Variants in PIEZO2 observed in about 807,000 individuals in gnomAD.
PIEZO2 encodes piezo type mechanosensitive ion channel component 2.
A neutral mutation model predicts 337.3 loss-of-function variants in PIEZO2; 172 were observed. The ratio of observed to expected loss-of-function variants is 0.51; its 90% CI spans 0.45 to 0.58. The LOEUF is 0.58. Ranked by LOEUF, PIEZO2 falls within the 20% of genes least tolerant of loss-of-function variation. The pLI is 0.00. For missense variants in PIEZO2, 3,028 were observed against 3,391.3 expected, an observed-to-expected ratio of 0.89 and a Z score of 2.66; for synonymous variants, 1,251 against 1,228.5, an observed-to-expected ratio of 1.02 and a Z score of -0.38.
chr18:10,759,723 G>T lies in PIEZO2; in HGVS notation c.3637C>A (p.Pro1213Thr). 1 of 1,537,294 alleles carries T rather than the reference G, an allele frequency of 6.5e-7. No individual in the cohort carries two copies. Among genetic ancestry groups the T allele is most frequent in the Non-Finnish European group, 8.7e-7 (1 of 1,146,922 alleles). The change falls in exon 25 of 56, where the codon CCA becomes ACA. Residue 1213 changes from proline (P) to threonine (T), a missense_variant. Around this residue, in one of 5 missense-constraint regions of PIEZO2, gnomAD observed 1,925 missense variants for 2,051.9 expected, o/e 0.94. Transcript: ENST00000674853. This position sits in a 1 kb window ranked among gnomAD's most constrained non-coding sequence, Gnocchi z 5.5. ...GGCTCACCTCGGCAAGGAGCAGGTGGGATGCCAATGCAGATGAAATACTGG... is the reference window on the plus strand; with the variant it reads ...GGCTCACCTCGGCAAGGAGCAGGTGTGATGCCAATGCAGATGAAATACTGG... ...TFQYFICIGI[P>T]PAPCRDYPWR...
In PIEZO2 at chr18:10,850,156, C is replaced by T. The variant is rs1187893539; in HGVS notation, c.917+5197G>A. Among the ~76,000 whole-genome samples the T allele has an allele frequency of 6.6e-6, 1 of 152,182 alleles. No individual in the cohort carries two copies. The highest frequency in any genetic ancestry group is 2.4e-5 in the African/African-American group (1 of 41,436). ...TGTGTGCATAAACGGAAGGGAATCA[C>T]TAATTCTCACCCTCTCCTGGATAAA... On this transcript the variant is annotated intron_variant, in intron 7 of 55. Coordinates refer to ENST00000674853, the MANE Select transcript of PIEZO2 (RefSeq NM_001378183.1). The surrounding 1 kb of genome is among the most constrained non-coding windows in gnomAD (Gnocchi z 4.5).
chr18:10,691,794 T>G (rs1416219177), intron 47 of PIEZO2, among the ~76,000 whole-genome samples: 1 of 67,860 alleles, frequency 1.5e-5, no homozygotes, highest in African/African-American at 6.3e-5. Flanking sequence ...TATATATATA[T>G]ATATATAGAG....
chr18:10,909,312 A>G (rs762879037), intron 4 of PIEZO2, among the ~76,000 whole-genome samples: 13 of 152,188 alleles, frequency 8.5e-5, no homozygotes, highest in Non-Finnish European at 1.6e-4. Context: ...GAAGTCAATG[A>G]TGTGAAGAAA....
At chr18:10,916,512 C>T (rs1271179871) in intron 3 of PIEZO2, among the ~76,000 whole-genome samples, 2 of 152,180 alleles carry the variant, frequency 1.3e-5, no homozygotes, top group Non-Finnish European at 2.9e-5. Flanking sequence ...TCCCCCTCCA[C>T]ACCTGCTGGC....
chr18:11,061,941 G>A lies in PIEZO2; in HGVS notation c.160+4186C>T, dbSNP rs534469685. Among the ~76,000 whole-genome samples the A allele has an allele frequency of 1.4e-4, 22 of 152,268 alleles. No individual in the cohort carries two copies. In the South Asian group the frequency reaches 3.7e-3, roughly 26 times the overall value. On this transcript the variant is annotated intron_variant, in intron 2 of 55. Transcript: ENST00000674853. ...TTCATATGGAACCAAAAAAGAGCCCGCATTGCTAAGTCAATCCTGAGCCAA... is the reference window on the plus strand; with the variant it reads ...TTCATATGGAACCAAAAAAGAGCCCACATTGCTAAGTCAATCCTGAGCCAA...
At chr18:10,791,964 G>A (rs2039424178) in intron 13 of PIEZO2, among the ~76,000 whole-genome samples, 1 of 152,162 alleles carries the variant, frequency 6.6e-6, no homozygotes, top group Non-Finnish European at 1.5e-5. Flanking sequence ...GTTTTTGTTT[G>A]AGAGGGAGTT....
At chr18:11,023,334 G>T (rs2036386649) in intron 2 of PIEZO2, among the ~76,000 whole-genome samples, 1 of 151,996 alleles carries the variant, frequency 6.6e-6, no homozygotes, top group Admixed American at 6.6e-5. Flanking sequence ...AGACACAAAG[G>T]TTCTCCACCT....
At position 10,724,566 on chromosome 18, in the gene PIEZO2, C is replaced by G; in HGVS notation, c.5030-6307G>C. Reference sequence around the variant, plus strand: ...CATACCCTTCTGTGTCCCCAGAAGTCGACAGTGTGGGGAGTTGGAGTGACC... The same window carrying G: ...CATACCCTTCTGTGTCCCCAGAAGTGGACAGTGTGGGGAGTTGGAGTGACC... On this transcript the variant is annotated intron_variant, in intron 36 of 55. Coordinates refer to ENST00000674853, the MANE Select transcript of PIEZO2 (RefSeq NM_001378183.1). This position sits in a 1 kb window ranked among gnomAD's most constrained non-coding sequence, Gnocchi z 5.8. The G allele has an allele frequency of 1.8e-6, 1 of 560,164 alleles. No homozygotes were observed. Among genetic ancestry groups the G allele is most frequent in the Non-Finnish European group, 3.2e-6 (1 of 307,830 alleles). 34.7% of individuals were successfully genotyped at this position (560,164 alleles called of 1,614,324 possible). A position where few individuals can be genotyped will look rare whatever the true frequency, so the allele number is the denominator to read the frequency against.
intron 27 of PIEZO2, among the ~76,000 whole-genome samples, chr18:10,756,570 G>A (rs1006570166): frequency 6.8e-6 from 1 of 147,212 alleles, no homozygotes; most frequent in African/African-American, 2.5e-5. Context: ...TGAGCTATAG[G>A]GATGCAGATA....
rs183456241 is a variant in PIEZO2, at chr18:11,097,384, C to T, written c.65-31162G>A. ...AGTCTCACGACTGCAACAGAGCCGG[C>T]GTGCTGTGCAACGCCTGACTCATTA... On this transcript the variant is annotated intron_variant, in intron 1 of 55. Coordinates refer to ENST00000674853, the MANE Select transcript of PIEZO2 (RefSeq NM_001378183.1). The surrounding 1 kb of genome is among the most constrained non-coding windows in gnomAD (Gnocchi z 5.0). Among the ~76,000 whole-genome samples the T allele has an allele frequency of 2.7e-3, 417 of 152,332 alleles. 1 individual carries two copies. Among genetic ancestry groups the T allele is most frequent in the African/African-American group, 9.2e-3 (383 of 41,582 alleles).
chr18:11,066,027 G>A (rs1270560906), intron 2 of PIEZO2, 100 bp downstream of exon 2: 5 of 924,694 alleles, frequency 5.4e-6, no homozygotes, highest in African/African-American at 5.0e-5. Flanking sequence ...CTGCTGCATA[G>A]ATAACATCTC....
chr18:10,729,485 G>A (rs1020048561), intron 36 of PIEZO2, among the ~76,000 whole-genome samples: 2 of 151,950 alleles, frequency 1.3e-5, no homozygotes, highest in Non-Finnish European at 1.5e-5. Context: ...ATTGCTAGGC[G>A]TGGTGGTGTG....
Position 10,759,602 on chromosome 18 carries a change from C to CG in PIEZO2, c.3656-20dup. The CG allele has an allele frequency of 6.5e-7, 1 of 1,535,650 alleles. No homozygotes were observed. Among genetic ancestry groups the CG allele is most frequent in the Non-Finnish European group, 8.7e-7 (1 of 1,145,456 alleles). On this transcript the variant is annotated intron_variant, in intron 25 of 55. Coordinates refer to ENST00000674853, the MANE Select transcript of PIEZO2 (RefSeq NM_001378183.1). This position sits in a 1 kb window ranked among gnomAD's most constrained non-coding sequence, Gnocchi z 5.5. ...GGGTAATCTGCAGGGAGGGAAGTGG[C>CG]GAACAGCACAATCAATACTCTTCTT...
At chr18:10,689,947 C>A in intron 48 of PIEZO2, 145 bp from the exon 49 acceptor site, 4 of 833,874 alleles carry the variant, frequency 4.8e-6, no homozygotes, top group Non-Finnish European at 7.1e-6. Flanking sequence ...TAAAACCCAA[C>A]TTGGAACACA....
chr18:10,869,387 A>C (rs2042085224), intron 5 of PIEZO2, among the ~76,000 whole-genome samples: 1 of 152,188 alleles, frequency 6.6e-6, no homozygotes. Flanking sequence ...TGTTGGTTGC[A>C]GCAAACCACC....
intron 2 of PIEZO2, among the ~76,000 whole-genome samples, chr18:11,051,345 A>ATGTGTGTGTG (rs144159846): frequency 0.057 from 8,369 of 146,740 alleles, 276 homozygotes; most frequent in South Asian, 0.13. Flanking sequence ...ATCACTTAGG[A>ATGTGTGTGTG]TGTGTGTGTG....
At chr18:10,709,861 AG>A (rs1415428768) in intron 39 of PIEZO2, among the ~76,000 whole-genome samples, 3 of 152,248 alleles carry the variant, frequency 2.0e-5, no homozygotes, top group Non-Finnish European at 4.4e-5. Context: ...AAGGACATTG[AG>A]GCTGTTTTGT....
chr18:10,739,639 A>G lies in PIEZO2; in HGVS notation c.4708+1392T>C, dbSNP rs1173613447. On this transcript the variant is annotated intron_variant, in intron 33 of 55. Coordinates refer to ENST00000674853, the MANE Select transcript of PIEZO2 (RefSeq NM_001378183.1). Reference sequence around the variant, plus strand: ...ATAGAAATAGGCATTTGTGCACTGCATTTACCAGATTGTTAGCGTGACTGT... The same window carrying G: ...ATAGAAATAGGCATTTGTGCACTGCGTTTACCAGATTGTTAGCGTGACTGT... The G allele has an allele frequency of 2.6e-5, 4 of 152,214 alleles. No homozygotes were observed. In the East Asian group the frequency reaches 7.7e-4, roughly 29 times the overall value. The allele number at this position is 152,214 out of a possible 1,614,324, so 9.4% of individuals were successfully genotyped here. A position where few individuals can be genotyped will look rare whatever the true frequency, so the allele number is the denominator to read the frequency against.
chr18:10,999,335 C>G (rs77406716), intron 2 of PIEZO2, among the ~76,000 whole-genome samples: 1 of 152,050 alleles, frequency 6.6e-6, no homozygotes, highest in African/African-American at 2.4e-5. Flanking sequence ...ATTAGAAAAA[C>G]CTAGTAAAAG....
Sources: gnomAD v4.1 joint callset for allele counts (sites outside exome capture counted in the v4.1 genomes callset) on GRCh38, gnomAD v4.1.1 for gene constraint, gnomAD v4.1.1 regional missense constraint, Gnocchi (gnomAD v3.1) non-coding constraint, MANE v1.5 for transcripts, NCBI Gene and HGNC (gene_info 2026-07-23, HGNC 2026-07-21) for gene names.